The following LRBA variants were observed in gnomAD, a reference collection of about 807,000 sequenced individuals.
LRBA encodes lipopolysaccharide-responsive and beige-like anchor protein.
LRBA carries 176 observed loss-of-function variants against 330.0 expected under a neutral mutation model. That is an observed-to-expected ratio of 0.53 (90% CI 0.47 to 0.60). The LOEUF (loss-of-function observed/expected upper bound fraction) is 0.60. LRBA is among the 20% of genes least tolerant of loss of function. The pLI is 0.00. For missense variants in LRBA, 3,259 were observed against 3,444.8 expected, an observed-to-expected ratio of 0.95 and a Z score of 1.35; for synonymous variants, 1,230 against 1,193.0, an observed-to-expected ratio of 1.03 and a Z score of -0.64.
intron 39 of LRBA, among the ~76,000 whole-genome samples, chr4:150,590,236 C>T (rs1054454015): frequency 4.0e-5 from 6 of 151,792 alleles, no homozygotes; most frequent in Non-Finnish European, 7.4e-5. Context: ...AGGCAAAATA[C>T]GTGAATGTTG....
intron 17 of LRBA, among the ~76,000 whole-genome samples, chr4:150,882,992 A>G (rs1005549806): frequency 6.6e-6 from 1 of 152,210 alleles, no homozygotes; most frequent in Non-Finnish European, 1.5e-5. Flanking sequence ...CAATTTGGAA[A>G]TGTTACTGAT....
At chr4:150,304,695 T>C (rs1730132050) in intron 52 of LRBA, among the ~76,000 whole-genome samples, 1 of 152,052 alleles carries the variant, frequency 6.6e-6, no homozygotes, top group Admixed American at 6.6e-5. Context: ...ATTGAGCAAA[T>C]TAAATGTGAA....
At chr4:150,530,652 TG>T (rs1001123037) in intron 40 of LRBA, among the ~76,000 whole-genome samples, 9 of 152,094 alleles carry the variant, frequency 5.9e-5, no homozygotes, top group African/African-American at 2.2e-4. Flanking sequence ...CCCCTTTCCC[TG>T]TTCCATTTTC....
At chr4:150,434,868 A>G (rs1321415934) in intron 46 of LRBA, among the ~76,000 whole-genome samples, 1 of 152,110 alleles carries the variant, frequency 6.6e-6, no homozygotes, top group Non-Finnish European at 1.5e-5. Context: ...AAGAAAAAAA[A>G]AAAAGAGTTC....
intron 46 of LRBA, among the ~76,000 whole-genome samples, chr4:150,426,780 T>C (rs536055644): frequency 6.6e-6 from 1 of 152,040 alleles, no homozygotes; most frequent in South Asian, 2.1e-4. Flanking sequence ...ACTTAATACT[T>C]CCTGCCAAAT....
At chr4:150,972,821 T>C (rs1321312178) in intron 2 of LRBA, among the ~76,000 whole-genome samples, 1 of 152,240 alleles carries the variant, frequency 6.6e-6, no homozygotes, top group African/African-American at 2.4e-5. Context: ...TGAAATTTCA[T>C]CCAGTAGCAA....
intron 52 of LRBA, among the ~76,000 whole-genome samples, chr4:150,304,901 C>T (rs1025612946): frequency 6.2e-4 from 95 of 152,230 alleles, no homozygotes; most frequent in Non-Finnish European, 1.0e-4. Context: ...GAAAGAAATA[C>T]ATCATATATA....
At chr4:150,605,524 C>T (rs1774533726) in intron 37 of LRBA, among the ~76,000 whole-genome samples, 1 of 152,022 alleles carries the variant, frequency 6.6e-6, no homozygotes, top group Admixed American at 6.6e-5. Context: ...TTTTAAACTC[C>T]TATATCTGAC....
intron 46 of LRBA, among the ~76,000 whole-genome samples, chr4:150,421,371 C>T (rs900571787): frequency 1.4e-5 from 2 of 146,320 alleles, no homozygotes; most frequent in African/African-American, 2.5e-5. Flanking sequence ...TATACACATA[C>T]ACAAAATGCA....
At chr4:150,992,060 A>C (rs1742149444) in intron 2 of LRBA, among the ~76,000 whole-genome samples, 1 of 152,230 alleles carries the variant, frequency 6.6e-6, no homozygotes, top group Non-Finnish European at 1.5e-5. Context: ...TCATGCCTGT[A>C]ATCACAGCAC....
intron 36 of LRBA, among the ~76,000 whole-genome samples, chr4:150,732,048 C>T (rs1287423600): frequency 6.6e-6 from 1 of 151,980 alleles, no homozygotes; most frequent in African/African-American, 2.4e-5. Flanking sequence ...AAATAATTAA[C>T]TAAAATGGCT....
At chr4:150,755,412 G>A (rs1289189247) in intron 35 of LRBA, among the ~76,000 whole-genome samples, 1 of 152,174 alleles carries the variant, frequency 6.6e-6, no homozygotes, top group African/African-American at 2.4e-5. Context: ...GGGAGAAAAA[G>A]AAGAGTCACA....
intron 22 of LRBA, among the ~76,000 whole-genome samples, chr4:150,856,023 C>A (rs190858305): frequency 1.9e-4 from 29 of 152,098 alleles, no homozygotes; most frequent in African/African-American, 6.5e-4. Context: ...ACTGGAGAAC[C>A]TATCAGAGGC....
At chr4:150,637,819 C>T (rs1451845441) in intron 37 of LRBA, among the ~76,000 whole-genome samples, 1 of 152,256 alleles carries the variant, frequency 6.6e-6, no homozygotes, top group East Asian at 1.9e-4. Context: ...TAAATAGTGC[C>T]TGGATTCTTG....
At chr4:150,917,324 T>G (rs1028343223) in intron 5 of LRBA, among the ~76,000 whole-genome samples, 13 of 152,126 alleles carry the variant, frequency 8.5e-5, no homozygotes, top group African/African-American at 2.4e-4. Context: ...ATTCTTCATT[T>G]CTTAAAATGA....
intron 41 of LRBA, among the ~76,000 whole-genome samples, chr4:150,488,440 C>T (rs947846971): frequency 2.6e-5 from 4 of 151,514 alleles, no homozygotes; most frequent in African/African-American, 4.8e-5. Context: ...GAACATTTTT[C>T]CTCTGCAGTT....
At chr4:150,803,075 A>AAT (rs34393177) in intron 33 of LRBA, among the ~76,000 whole-genome samples, 11,911 of 129,728 alleles carry the variant, frequency 0.092, 573 homozygotes, top group African/African-American at 0.13. Flanking sequence ...ACAAAAAAAA[A>AAT]ATATATATAC....
chr4:150,386,033 G>T (rs145009919), intron 47 of LRBA, among the ~76,000 whole-genome samples: 1 of 152,194 alleles, frequency 6.6e-6, no homozygotes, highest in East Asian at 1.9e-4. Context: ...CTGCCGATGG[G>T]TTACTAATCA....
At chr4:150,867,233 AAAC>A (rs1373459415) in intron 22 of LRBA, among the ~76,000 whole-genome samples, 2 of 152,108 alleles carry the variant, frequency 1.3e-5, no homozygotes, top group Non-Finnish European at 2.9e-5. Context: ...TACGTTGCTA[AAAC>A]AACTGTTCAT....
Sources: gnomAD v4.1 joint callset for allele counts (sites outside exome capture counted in the v4.1 genomes callset) on GRCh38, gnomAD v4.1.1 for gene constraint, MANE v1.5 for transcripts, NCBI Gene and HGNC (gene_info 2026-07-23, HGNC 2026-07-21) for gene names.